The following ARHGAP10 variants were observed in gnomAD, a reference collection of about 807,000 sequenced individuals.
ARHGAP10 encodes Rho GTPase activating protein 10.
ARHGAP10 carries 87 observed loss-of-function variants against 108.6 expected under a neutral mutation model. The ratio of observed to expected loss-of-function variants is 0.80; its 90% CI spans 0.67 to 0.96. The LOEUF (loss-of-function observed/expected upper bound fraction) is 0.96, where lower values mean the gene tolerates loss of function less well. Ranked by LOEUF, ARHGAP10 falls within the 40% of genes least tolerant of loss-of-function variation. ARHGAP10 has a pLI of 0.00. For missense variants in ARHGAP10, 939 were observed against 954.5 expected, an observed-to-expected ratio of 0.98 and a Z score of 0.21; for synonymous variants, 347 against 341.1, an observed-to-expected ratio of 1.02 and a Z score of -0.19.
chr4:147,776,645 T>A (rs928336167), intron 1 of ARHGAP10, among the ~76,000 whole-genome samples: 1 of 152,188 alleles, frequency 6.6e-6, no homozygotes, highest in Non-Finnish European at 1.5e-5. Flanking sequence ...GAACTTTTGA[T>A]AAATGTGCAC....
intron 19 of ARHGAP10, among the ~76,000 whole-genome samples, chr4:148,033,663 T>C (rs1021961255): frequency 6.6e-6 from 1 of 152,214 alleles, no homozygotes; most frequent in African/African-American, 2.4e-5. Flanking sequence ...TCAGCTTAAC[T>C]CCGAAGCAAG....
At chr4:147,818,142 AT>A (rs1310662909) in intron 1 of ARHGAP10, among the ~76,000 whole-genome samples, 21 of 146,576 alleles carry the variant, frequency 1.4e-4, no homozygotes, top group African/African-American at 3.5e-4. Context: ...CTCTGAACCT[AT>A]TTTTTTTTCT....
At chr4:147,999,298 C>T (rs1740601141) in intron 18 of ARHGAP10, among the ~76,000 whole-genome samples, 1 of 152,230 alleles carries the variant, frequency 6.6e-6, no homozygotes, top group South Asian at 2.1e-4. Context: ...GATATAAACC[C>T]AGGCATTTGA....
chr4:147,965,017 T>C lies in ARHGAP10; in HGVS notation c.1451-7T>C, dbSNP rs913527048. ...TTTTTTCTTTATTATTATTTTTTTT[T>C]TGGAAGAAAGCGGCAGCCCAGAATC... On this transcript the variant is annotated splice_region_variant and splice_polypyrimidine_tract_variant and intron_variant, in intron 16 of 22. Transcript: ENST00000336498. 3.3e-6 allele frequency: 5 copies of C among 1,529,634 alleles called. No homozygotes were observed. Among genetic ancestry groups the C allele is most frequent in the Non-Finnish European group, 3.5e-6 (4 of 1,144,212 alleles). 94.8% of individuals were successfully genotyped at this position (1,529,634 alleles called of 1,614,324 possible).
intron 13 of ARHGAP10, among the ~76,000 whole-genome samples, chr4:147,921,819 G>A (rs1023106823): frequency 5.3e-5 from 8 of 152,058 alleles, no homozygotes; most frequent in African/African-American, 7.2e-5. Context: ...CCCTGTAGTC[G>A]TTTATTCCTA....
At chr4:147,978,025 G>A (rs1010420349) in intron 18 of ARHGAP10, among the ~76,000 whole-genome samples, 5 of 152,108 alleles carry the variant, frequency 3.3e-5, no homozygotes, top group Admixed American at 6.5e-5. Flanking sequence ...ATAGTATTCC[G>A]TGGTGTATAT....
At chr4:147,996,330 A>T (rs1056917380) in intron 18 of ARHGAP10, among the ~76,000 whole-genome samples, 3 of 152,264 alleles carry the variant, frequency 2.0e-5, no homozygotes, top group African/African-American at 7.2e-5. Flanking sequence ...GAATTGCCTC[A>T]GGAGAGGAAG....
In ARHGAP10 at chr4:147,747,700, C is replaced by T. The variant is rs577575106; in HGVS notation, c.154+15245C>T. ...AAATTAATCTGAACTTTTTCTTCCC[C>T]TTTCTTCAGATTATTGTTATAAAAA... is the stretch of plus-strand genomic sequence containing the variant. On this transcript the variant is annotated intron_variant, in intron 1 of 22. Coordinates refer to ENST00000336498, the MANE Select transcript of ARHGAP10 (RefSeq NM_024605.4). Among the ~76,000 whole-genome samples, 6 of 152,116 alleles carry T rather than the reference C, an allele frequency of 3.9e-5. No individual in the cohort carries two copies. In the South Asian group the frequency reaches 1.2e-3, roughly 32 times the overall value.
chr4:147,973,406 G>A (rs1739483102), intron 18 of ARHGAP10, among the ~76,000 whole-genome samples: 1 of 152,056 alleles, frequency 6.6e-6, no homozygotes, highest in Admixed American at 6.6e-5. Flanking sequence ...ATTTTCGTGG[G>A]TACATAGTTG....
chr4:147,835,531 G>A (rs1316742871), intron 3 of ARHGAP10, among the ~76,000 whole-genome samples: 1 of 152,116 alleles, frequency 6.6e-6, no homozygotes, highest in East Asian at 1.9e-4. Context: ...GTGCCACCAT[G>A]CCTGGCTAAA....
At chr4:148,059,933 A>G (rs1729530342) in intron 20 of ARHGAP10, among the ~76,000 whole-genome samples, 1 of 152,132 alleles carries the variant, frequency 6.6e-6, no homozygotes, top group Non-Finnish European at 1.5e-5. Flanking sequence ...CCTGGAGCTT[A>G]GAAAACCCAG....
chr4:147,984,771 G>A (rs1414228048), intron 18 of ARHGAP10, among the ~76,000 whole-genome samples: 2 of 152,236 alleles, frequency 1.3e-5, no homozygotes, highest in African/African-American at 4.8e-5. Context: ...TTAAGAGCCA[G>A]CTGTGGCCAA....
chr4:147,985,241 G>T (rs920952542), intron 18 of ARHGAP10, among the ~76,000 whole-genome samples: 4 of 152,128 alleles, frequency 2.6e-5, no homozygotes, highest in Non-Finnish European at 5.9e-5. Flanking sequence ...TCCTGGGTGT[G>T]GGGAAGAGAG....
At position 147,896,256 on chromosome 4, in the gene ARHGAP10, T is replaced by G. The variant is rs1288056708; in HGVS notation, c.1035-10382T>G. Among the ~76,000 whole-genome samples, 15 of 152,228 alleles carry G rather than the reference T, an allele frequency of 9.9e-5. 1 individual carries two copies. Among genetic ancestry groups the G allele is most frequent in the Admixed American group, 9.8e-4 (15 of 15,284 alleles). On this transcript the variant is annotated intron_variant, in intron 10 of 22. Coordinates refer to ENST00000336498, the MANE Select transcript of ARHGAP10 (RefSeq NM_024605.4). The stretch of plus-strand genomic sequence containing the variant: ...TTGGGAAGTTTTCCCTTCTTCACTG[T>G]TTTTTCATAAATGTGTGTGTCATAT...
In ARHGAP10 at chr4:147,739,581, A is replaced by C. The variant is rs75702255; in HGVS notation, c.154+7126A>C. On this transcript the variant is annotated intron_variant, in intron 1 of 22. Transcript: ENST00000336498. ...GCTATGGTAAATTCACAATAAAAGA[A>C]GACGACCAGAGACATCCCTAAGAGG... Among the ~76,000 whole-genome samples, 410 of 152,318 alleles carry C rather than the reference A, an allele frequency of 2.7e-3. 2 individuals are homozygous for C. The highest frequency in any genetic ancestry group is 9.3e-3 in the African/African-American group (386 of 41,568).
chr4:147,983,526 G>C (rs1338048929), intron 18 of ARHGAP10, among the ~76,000 whole-genome samples: 1 of 143,380 alleles, frequency 7.0e-6, no homozygotes, highest in Non-Finnish European at 1.5e-5. Context: ...TCAAATTTTT[G>C]TCTGGGTTCA....
Position 147,779,512 on chromosome 4 carries a change from A to G in ARHGAP10, c.155-43215A>G, listed in dbSNP as rs1015606057. ...GCTGTAGCATAGTGCAGTGTCCCCCAGATGGATTATCTCAGGAGTGCATTT... is the reference window on the plus strand; with the variant it reads ...GCTGTAGCATAGTGCAGTGTCCCCCGGATGGATTATCTCAGGAGTGCATTT... On this transcript the variant is annotated intron_variant, in intron 1 of 22. Transcript: ENST00000336498. Among the ~76,000 whole-genome samples, 7 of 152,190 alleles carry G rather than the reference A, an allele frequency of 4.6e-5. No individual in the cohort carries two copies. In the South Asian group the frequency reaches 6.2e-4, roughly 14 times the overall value.
chr4:148,000,379 A>G (rs560307415), intron 18 of ARHGAP10, among the ~76,000 whole-genome samples: 3 of 152,330 alleles, frequency 2.0e-5, no homozygotes, highest in East Asian at 1.9e-4. Flanking sequence ...TAGTGCTGCA[A>G]TAAACATAGT....
At chr4:148,016,998 A>C (rs963739241) in intron 18 of ARHGAP10, among the ~76,000 whole-genome samples, 2 of 151,654 alleles carry the variant, frequency 1.3e-5, no homozygotes, top group Admixed American at 1.3e-4. Flanking sequence ...AAAAAAAAAA[A>C]AAAAAAACCA....
Sources: allele counts gnomAD v4.1 joint callset (sites outside exome capture counted in the v4.1 genomes callset), GRCh38; gene constraint gnomAD v4.1.1; transcripts MANE v1.5; gene names NCBI Gene and HGNC (gene_info 2026-07-23, HGNC 2026-07-21).